Variants in LMNB1 observed in about 807,000 individuals in gnomAD.
LMNB1 encodes lamin-B1.
Under a neutral mutation model 67.1 loss-of-function variants are expected in LMNB1, and 23 were observed. The observed-to-expected ratio is 0.34, with a 90% CI of 0.25 to 0.49. The LOEUF (loss-of-function observed/expected upper bound fraction) is 0.49, where lower values mean the gene tolerates loss of function less well. Ranked by LOEUF, LMNB1 falls within the 20% of genes least tolerant of loss-of-function variation. LMNB1 has a pLI of 0.99. For synonymous variants in LMNB1, 281 were observed against 282.9 expected, an observed-to-expected ratio of 0.99 and a Z score of 0.07; for missense variants, 634 against 746.5, an observed-to-expected ratio of 0.85 and a Z score of 1.76.
chr5:126,787,546 A>ATATATATATATTTTTTTTTTTTTTTTT, intron 1 of LMNB1, among the ~76,000 whole-genome samples: 3 of 65,582 alleles, frequency 4.6e-5, no homozygotes, highest in Admixed American at 2.2e-4. Context: ...ATATATATAT[A>ATATATATATATTTTTTTTTTTTTTTTT]TTTTTTTTTT....
At chr5:126,828,106 A>G (rs1752042766) in intron 9 of LMNB1, among the ~76,000 whole-genome samples, 1 of 152,328 alleles carries the variant, frequency 6.6e-6, no homozygotes, top group Admixed American at 6.5e-5. Context: ...AGCAGCATTC[A>G]TTATAAGAGT....
chr5:126,831,748 G>A (rs905763970), intron 9 of LMNB1, among the ~76,000 whole-genome samples: 2 of 152,112 alleles, frequency 1.3e-5, no homozygotes, highest in Admixed American at 1.3e-4. Context: ...TTCATGTTGA[G>A]TTTTATAAAG....
intron 1 of LMNB1, among the ~76,000 whole-genome samples, chr5:126,795,516 T>G (rs1195439670): frequency 6.6e-6 from 1 of 152,188 alleles, no homozygotes; most frequent in Non-Finnish European, 1.5e-5. Flanking sequence ...GGTATGACTT[T>G]TGGAAGAATG....
intron 1 of LMNB1, among the ~76,000 whole-genome samples, chr5:126,801,158 T>A (rs1161951706): frequency 6.6e-6 from 1 of 150,744 alleles, no homozygotes; most frequent in Non-Finnish European, 1.5e-5. Flanking sequence ...TAATTTTTTT[T>A]ATTTTTAGTA....
intron 1 of LMNB1, among the ~76,000 whole-genome samples, chr5:126,786,289 A>C (rs911775169): frequency 1.3e-5 from 2 of 151,312 alleles, no homozygotes; most frequent in African/African-American, 2.4e-5. Flanking sequence ...CGCCCGGCTA[A>C]TTTTTTGTAT....
At position 126,820,938 on chromosome 5, in the gene LMNB1, C is replaced by T. The variant is rs1330787318; in HGVS notation, c.1189C>T (p.Arg397Cys). 5.6e-6 allele frequency: 9 copies of T among 1,613,778 alleles called. No individual in the cohort carries two copies. The highest frequency in any genetic ancestry group is 2.2e-5 in the East Asian group (1 of 44,884). The change falls in exon 7 of 11, where the codon CGT becomes TGT. Residue 397 changes from arginine to cysteine, a missense_variant. Physicochemically the swap from Arg to Cys is radical, Grantham distance 180 (BLOSUM62 -3). Coordinates refer to ENST00000261366, the MANE Select transcript of LMNB1 (RefSeq NM_005573.4). ...RLKLSPSPSS[R>C]VTVSRASSSR... is the part of the protein sequence containing the mutation. ...GAAGCTGTCTCCAAGCCCTTCTTCC[C>T]GTGTGACAGTATCCCGAGCATCCTC...
At chr5:126,798,474 C>T (rs1367259383) in intron 1 of LMNB1, among the ~76,000 whole-genome samples, 2 of 152,048 alleles carry the variant, frequency 1.3e-5, no homozygotes, top group East Asian at 3.9e-4. Flanking sequence ...AACAAAAAAA[C>T]TCCAACTCAT....
rs1751242778 is a variant in LMNB1 at position 126,800,487 on chromosome 5, G to A, written c.360-4289G>A. Among the ~76,000 whole-genome samples the A allele has an allele frequency of 2.0e-5, 3 of 151,484 alleles. No individual in the cohort carries two copies. The South Asian group carries it at 6.3e-4, about 32-fold the overall frequency. The stretch of plus-strand genomic sequence containing the variant: ...GGAGAGTGAAGTCCGAGGCTCAGAA[G>A]GTCTTTAGGACTTAGACCTGAAGGG... On this transcript the variant is annotated intron_variant, in intron 1 of 10. Coordinates refer to ENST00000261366, the MANE Select transcript of LMNB1 (RefSeq NM_005573.4).
At chr5:126,825,249 C>T (rs998037865) in intron 8 of LMNB1, among the ~76,000 whole-genome samples, 1 of 152,072 alleles carries the variant, frequency 6.6e-6, no homozygotes, top group East Asian at 1.9e-4. Flanking sequence ...TCTCTTTTGC[C>T]AGTAGATATA....
At chr5:126,808,632 T>G (rs2941666) in intron 3 of LMNB1, among the ~76,000 whole-genome samples, 42,703 of 152,024 alleles carry the variant, frequency 0.28, 6,385 homozygotes, top group South Asian at 0.38. Flanking sequence ...GCAGTCACTC[T>G]TCAGTATTTT....
At chr5:126,802,472 C>A (rs1271286262) in intron 1 of LMNB1, among the ~76,000 whole-genome samples, 1 of 152,168 alleles carries the variant, frequency 6.6e-6, no homozygotes, top group Non-Finnish European at 1.5e-5. Flanking sequence ...GAGACGGAGT[C>A]TCACTCTGTC....
At chr5:126,804,557 G>A (rs922721955) in intron 1 of LMNB1, among the ~76,000 whole-genome samples, 5 of 152,228 alleles carry the variant, frequency 3.3e-5, no homozygotes, top group East Asian at 3.9e-4. Flanking sequence ...TAATATGGAC[G>A]TCTTTGACCC....
At chr5:126,796,921 T>C (rs986716222) in intron 1 of LMNB1, among the ~76,000 whole-genome samples, 1 of 151,824 alleles carries the variant, frequency 6.6e-6, no homozygotes, top group African/African-American at 2.4e-5. Flanking sequence ...CCCGAGTAGC[T>C]GGGATTATAG....
In LMNB1 at chr5:126,786,003, G is replaced by A. The variant is rs1321150479; in HGVS notation, c.359+8136G>A. Among the ~76,000 whole-genome samples, 3 of 150,228 alleles carry A rather than the reference G, an allele frequency of 2.0e-5. No individual in the cohort carries two copies. In the East Asian group the frequency reaches 6.0e-4, roughly 30 times the overall value. On this transcript the variant is annotated intron_variant, in intron 1 of 10. Coordinates refer to ENST00000261366, the MANE Select transcript of LMNB1 (RefSeq NM_005573.4). ...CACTCCAGCCTGAGTGACAAAGCAAGACTCCCTTTGGGGGGTGGGGGAAAA... is the reference window on the plus strand; with the variant it reads ...CACTCCAGCCTGAGTGACAAAGCAAAACTCCCTTTGGGGGGTGGGGGAAAA...
Position 126,804,891 on chromosome 5 carries a change from T to G in LMNB1, c.475T>G (p.Leu159Val). 6.2e-7 allele frequency: 1 copy of G among 1,614,078 alleles called. No homozygotes were observed. The highest frequency in any genetic ancestry group is 8.5e-7 in the Non-Finnish European group (1 of 1,179,990). Residue 159 changes from leucine to valine, a missense_variant, in exon 2 of 11, where the codon TTA (leucine) becomes GTA (valine). Transcript: ENST00000261366. ...TACTGCACTTGGTGACAAAAAAAGT[T>G]TAGAGGGAGATTTGGAGGATCTGAA... ...LATALGDKKS[L>V]EGDLEDLKDQ... is the part of the protein sequence containing the mutation.
chr5:126,800,921 G>T (rs181587309), intron 1 of LMNB1, among the ~76,000 whole-genome samples: 3,223 of 127,124 alleles, frequency 0.025, 59 homozygotes, highest in Middle Eastern at 0.13. Flanking sequence ...CAAAGTGCTG[G>T]GATTACAAGT....
intron 1 of LMNB1, among the ~76,000 whole-genome samples, chr5:126,789,935 A>G (rs992513074): frequency 6.6e-6 from 1 of 151,948 alleles, no homozygotes; most frequent in Non-Finnish European, 1.5e-5. Context: ...GGCCTCCCAA[A>G]GTGCTGGGAT....
intron 10 of LMNB1, 47 bp downstream of exon 10, chr5:126,832,848 G>C (rs900910341): frequency 1.4e-5 from 17 of 1,257,318 alleles, no homozygotes; most frequent in Admixed American, 4.8e-5. Flanking sequence ...TTTATTCACA[G>C]AATTACATGA....
At chr5:126,788,067 T>G (rs1298303332) in intron 1 of LMNB1, among the ~76,000 whole-genome samples, 1 of 151,682 alleles carries the variant, frequency 6.6e-6, no homozygotes, top group Non-Finnish European at 1.5e-5. Flanking sequence ...GGAGAGAAGG[T>G]GGATTTAAGA....
Sources: allele counts gnomAD v4.1 joint callset (sites outside exome capture counted in the v4.1 genomes callset), GRCh38; gene constraint gnomAD v4.1.1; transcripts MANE v1.5; gene names NCBI Gene and HGNC (gene_info 2026-07-23, HGNC 2026-07-21).